Variants in TMEM132E observed in about 807,000 individuals in gnomAD.
TMEM132E encodes transmembrane protein 132E.
In TMEM132E, 49 loss-of-function variants were observed where a neutral mutation model predicts 78.5. The observed-to-expected ratio is 0.62, with a 90% CI of 0.50 to 0.79. The LOEUF is 0.79. Ranked by LOEUF, TMEM132E falls within the 30% of genes least tolerant of loss-of-function variation. The pLI is 0.00. For missense variants in TMEM132E, 1,403 were observed against 1,470.9 expected, an observed-to-expected ratio of 0.95 and a Z score of 0.75; for synonymous variants, 715 against 670.6, an observed-to-expected ratio of 1.07 and a Z score of -1.02.
rs1907135549 is a variant in TMEM132E, at chr17:34,626,491, G to A, written c.432G>A (p.Val144=). 6.2e-7 allele frequency: 1 copy of A among 1,611,884 alleles called. No individual in the cohort carries two copies. Among genetic ancestry groups the A allele is most frequent in the Non-Finnish European group, 8.5e-7 (1 of 1,179,756 alleles). ...HVPASQPVVQ[V]LFYVAGRDWD... is the part of the protein sequence containing the mutation. The stretch of plus-strand genomic sequence containing the variant: ...CCGCCTCGCAGCCCGTGGTCCAGGT[G>A]CTGTTCTACGTAGCCGGCCGGGACT... Residue 144 remains valine (V), a synonymous_variant, in exon 2 of 9, where the codon GTG becomes GTA. Transcript: ENST00000631683.
chr17:34,588,731 G>A (rs903421509), intron 1 of TMEM132E, among the ~76,000 whole-genome samples: 1 of 152,102 alleles, frequency 6.6e-6, no homozygotes, highest in Non-Finnish European at 1.5e-5. Flanking sequence ...GGCAACGAGT[G>A]GTTTTTGTTG....
At chr17:34,590,496 C>T (rs1905834116) in intron 1 of TMEM132E, among the ~76,000 whole-genome samples, 1 of 150,362 alleles carries the variant, frequency 6.7e-6, no homozygotes, top group South Asian at 2.1e-4. Flanking sequence ...TCTGGGGAGG[C>T]TTCATGGAAG....
intron 1 of TMEM132E, among the ~76,000 whole-genome samples, chr17:34,610,832 A>C (rs1047528733): frequency 6.6e-6 from 1 of 152,238 alleles, no homozygotes; most frequent in African/African-American, 2.4e-5. Flanking sequence ...AATATTAATG[A>C]AAACTCCTGA....
chr17:34,584,179 C>T (rs936023316), intron 1 of TMEM132E, among the ~76,000 whole-genome samples: 1 of 152,258 alleles, frequency 6.6e-6, no homozygotes, highest in Non-Finnish European at 1.5e-5. Context: ...TCCAAATCCA[C>T]ATCTTTACTT....
At chr17:34,635,925 G>A in intron 7 of TMEM132E, 82 bp from the exon 8 acceptor site, 1 of 1,288,222 alleles carries the variant, frequency 7.8e-7, no homozygotes, top group East Asian at 3.1e-5. Context: ...CAGCAGTGCT[G>A]GGATTTCTCC....
intron 1 of TMEM132E, among the ~76,000 whole-genome samples, chr17:34,619,046 G>A (rs73988741): frequency 0.026 from 4,022 of 152,244 alleles, 191 homozygotes; most frequent in African/African-American, 0.093. Context: ...ACTCCCTTAG[G>A]TTATACCACT....
chr17:34,637,690 CT>C lies in TMEM132E; in HGVS notation c.2684del (p.Leu895ArgfsTer209), dbSNP rs1407007820. Reference protein sequence around the residue: ...TDLEIGMYALLGVFCLAILVF... With the variant: ...TDLEIGMYALXGVFCLAILVF... ...CCTGGAGATCGGCATGTACGCGCTG[CT>C]GGGCGTCTTCTGCCTCGCCATCCTC... is the stretch of plus-strand genomic sequence containing the variant. On this transcript the variant is annotated frameshift_variant, in exon 9 of 9. Transcript: ENST00000631683. LOFTEE classifies it high-confidence loss of function. 1 of 1,611,648 alleles carries C rather than the reference CT, an allele frequency of 6.2e-7. No individual in the cohort carries two copies. The highest frequency in any genetic ancestry group is 8.5e-7 in the Non-Finnish European group (1 of 1,179,984).
chr17:34,594,807 A>C (rs568448123), intron 1 of TMEM132E, among the ~76,000 whole-genome samples: 2 of 152,242 alleles, frequency 1.3e-5, no homozygotes, highest in South Asian at 4.2e-4. Flanking sequence ...TAATGATGTT[A>C]TCCAAGCTGG....
chr17:34,634,718 A>G lies in TMEM132E; in HGVS notation c.1689-81A>G, dbSNP rs558090582. On this transcript the variant is annotated intron_variant, in intron 6 of 8. Coordinates refer to ENST00000631683, the MANE Select transcript of TMEM132E (RefSeq NM_001304438.2). ...GCTTCTGGGAAGCTGGGAGGACCCA[A>G]CAGGGCAAGGGTGCGGGGTGTGTAC... The G allele has an allele frequency of 8.9e-6, 13 of 1,463,788 alleles. No individual in the cohort carries two copies. In the East Asian group the frequency reaches 3.0e-4, roughly 34 times the overall value. 90.7% of individuals were successfully genotyped at this position (1,463,788 alleles called of 1,614,324 possible).
chr17:34,627,864 G>T (rs908245385), intron 2 of TMEM132E, among the ~76,000 whole-genome samples: 2 of 152,184 alleles, frequency 1.3e-5, no homozygotes, highest in East Asian at 1.9e-4. Flanking sequence ...ATTGATACCT[G>T]AATGTGAACA....
chr17:34,627,084 G>T (rs1246995344), intron 2 of TMEM132E, 27 bp downstream of exon 2: 2 of 1,607,822 alleles, frequency 1.2e-6, no homozygotes, highest in Non-Finnish European at 1.7e-6. Context: ...GTGGGGATCT[G>T]GTTTCCCTTC....
At chr17:34,623,407 C>G (rs567623120) in intron 1 of TMEM132E, among the ~76,000 whole-genome samples, 14 of 150,716 alleles carry the variant, frequency 9.3e-5, no homozygotes, top group African/African-American at 2.2e-4. Context: ...CCGCTCCCCC[C>G]CCCCCCCCCG....
intron 1 of TMEM132E, among the ~76,000 whole-genome samples, chr17:34,587,947 C>A (rs1905734539): frequency 6.6e-6 from 1 of 152,158 alleles, no homozygotes; most frequent in Admixed American, 6.5e-5. Context: ...GGTCTTCTTG[C>A]CATACCTCTC....
At chr17:34,584,649 C>A (rs1204389113) in intron 1 of TMEM132E, among the ~76,000 whole-genome samples, 2 of 152,164 alleles carry the variant, frequency 1.3e-5, no homozygotes, top group African/African-American at 4.8e-5. Flanking sequence ...GAGGACAACT[C>A]TGTATTGAGG....
intron 1 of TMEM132E, among the ~76,000 whole-genome samples, chr17:34,598,725 T>C (rs1906135170): frequency 6.6e-6 from 1 of 152,230 alleles, no homozygotes; most frequent in Non-Finnish European, 1.5e-5. Context: ...ATTAAGTGAA[T>C]AATTGTTACA....
chr17:34,637,164 CCTT>C lies in TMEM132E; in HGVS notation c.2170-10_2170-8del, dbSNP rs1907547976. 6.3e-7 allele frequency: 1 copy of C among 1,587,212 alleles called. No homozygotes were observed. Among genetic ancestry groups the C allele is most frequent in the Non-Finnish European group, 8.6e-7 (1 of 1,163,384 alleles). On this transcript the variant is annotated splice_polypyrimidine_tract_variant and intron_variant, in intron 8 of 8. Transcript: ENST00000631683. ...TCTTTGACTCCTATCCCCTCCTTCT[CCTT>C]CTCCTCCAGGAAGCCCTACTGAGCC...
intron 4 of TMEM132E, 48 bp downstream of exon 4, chr17:34,629,252 T>C (rs1907265954): frequency 1.3e-6 from 2 of 1,577,232 alleles, no homozygotes; most frequent in South Asian, 1.1e-5. Flanking sequence ...TCTATGCATG[T>C]GTGCACATTT....
Position 34,637,880 on chromosome 17 carries a change from T to C in TMEM132E, c.2873T>C (p.Leu958Pro). Residue 958 changes from leucine (L) to proline (P), a missense_variant, in exon 9 of 9, where the codon CTG becomes CCG. This residue lies in a region of TMEM132E where 888 missense variants were observed against 952.8 expected (regional missense o/e 0.93). Transcript: ENST00000631683. ...GELSPPAGNP[L>P]ETVPAFCHGD... ...CTGTCGCCGCCAGCAGGCAACCCGC[T>C]GGAAACCGTGCCCGCCTTCTGCCAC... 1 of 1,608,230 alleles carries C rather than the reference T, an allele frequency of 6.2e-7. No homozygotes were observed. Among genetic ancestry groups the C allele is most frequent in the Non-Finnish European group, 8.5e-7 (1 of 1,179,036 alleles).
At chr17:34,623,959 G>A (rs1035243969) in intron 1 of TMEM132E, among the ~76,000 whole-genome samples, 6 of 152,112 alleles carry the variant, frequency 3.9e-5, no homozygotes, top group African/African-American at 1.4e-4. Flanking sequence ...CCCACCATCA[G>A]CTCCCAGCAT....
Sources: allele counts gnomAD v4.1 joint callset (sites outside exome capture counted in the v4.1 genomes callset), GRCh38; gene constraint gnomAD v4.1.1; regional missense constraint gnomAD v4.1.1; transcripts MANE v1.5; gene names NCBI Gene and HGNC (gene_info 2026-07-23, HGNC 2026-07-21).